Variants in GAD2 observed in about 807,000 individuals in gnomAD.
GAD2 encodes glutamate decarboxylase 2.
Under a neutral mutation model 80.1 loss-of-function variants are expected in GAD2, and 22 were observed. The observed-to-expected ratio is 0.27, with a 90% CI of 0.20 to 0.39. The LOEUF is 0.39. GAD2 is among the 10% of genes least tolerant of loss of function. The pLI, the probability that GAD2 is intolerant of heterozygous loss-of-function variation, is 1.00. For synonymous variants in GAD2, 274 were observed against 256.9 expected (o/e 1.07, Z -0.64); for missense variants, 624 against 738.4 (o/e 0.85, Z 1.80).
chr10:26,260,694 T>C (rs1202104975), intron 8 of GAD2, among the ~76,000 whole-genome samples: 2 of 152,198 alleles, frequency 1.3e-5, no homozygotes, highest in East Asian at 1.9e-4. Flanking sequence ...TGCTGAGTTA[T>C]GATACTTGCT....
intron 6 of GAD2, 112 bp downstream of exon 6, chr10:26,224,763 CTG>C (rs777940441): frequency 5.6e-5 from 40 of 714,090 alleles, no homozygotes; most frequent in African/African-American, 4.8e-4. Context: ...GTTAAATAGA[CTG>C]TGTGTTGATC....
At chr10:26,229,802 TTTAAGG>T (rs780636511) in intron 7 of GAD2, 25 bp downstream of exon 7, 1 of 1,541,838 alleles carries the variant, frequency 6.5e-7, no homozygotes, top group South Asian at 1.1e-5. Flanking sequence ...TCCTTGCAAG[TTTAAGG>T]TTATGTTCCA....
chr10:26,225,837 C>T (rs1383479387), intron 6 of GAD2, among the ~76,000 whole-genome samples: 2 of 152,162 alleles, frequency 1.3e-5, no homozygotes, highest in Non-Finnish European at 2.9e-5. Flanking sequence ...TGAACACCAG[C>T]TGTGATGAAT....
intron 8 of GAD2, among the ~76,000 whole-genome samples, chr10:26,264,081 C>T (rs568049124): frequency 6.6e-6 from 1 of 152,146 alleles, no homozygotes; most frequent in Non-Finnish European, 1.5e-5. Flanking sequence ...CTGCTAATAA[C>T]AATGTAACAA....
rs1285152049 is a variant in GAD2, at chr10:26,303,492, G to A, written c.*2531G>A. The stretch of plus-strand genomic sequence containing the variant: ...GGAAGGAGGGAGGGAGGAAGGAAAT[G>A]AAGGGAGGGAGGGAGGGAGGAAAGA... On this transcript the variant is annotated 3_prime_UTR_variant, in exon 16 of 16. Transcript: ENST00000376261. The A allele has an allele frequency of 4.2e-5, 4 of 94,304 alleles. No individual in the cohort carries two copies. The highest frequency in any genetic ancestry group is 1.0e-4 in the African/African-American group (2 of 19,880). 5.8% of individuals were successfully genotyped at this position (94,304 alleles called of 1,614,324 possible).
At chr10:26,280,379 G>C (rs1845258367) in intron 11 of GAD2, among the ~76,000 whole-genome samples, 1 of 152,176 alleles carries the variant, frequency 6.6e-6, no homozygotes, top group Admixed American at 6.5e-5. Flanking sequence ...GCATTTTAGA[G>C]AGATGTAAGA....
intron 6 of GAD2, among the ~76,000 whole-genome samples, chr10:26,227,319 C>A (rs572018456): frequency 6.6e-6 from 1 of 152,192 alleles, no homozygotes; most frequent in Non-Finnish European, 1.5e-5. Flanking sequence ...GTAGGGCTCA[C>A]GCATTTGTCC....
intron 6 of GAD2, among the ~76,000 whole-genome samples, chr10:26,227,709 G>A (rs1465560876): frequency 6.6e-6 from 1 of 152,160 alleles, no homozygotes; most frequent in Non-Finnish European, 1.5e-5. Context: ...GCCCAGGTCA[G>A]CCCTCACCAG....
rs111780013 is a variant in GAD2, at chr10:26,255,206, G to A, written c.920+9206G>A. 1.6e-4 allele frequency among the ~76,000 whole-genome samples: 24 copies of A among 152,318 alleles called. 1 individual carries two copies. The highest frequency in any genetic ancestry group is 5.3e-4 in the African/African-American group (22 of 41,570). ...CAGAGTTGTCAGAGAATCAGAAACC[G>A]GGGCCACGAGGGCCATGAGAGTGTT... On this transcript the variant is annotated intron_variant, in intron 8 of 15. Transcript: ENST00000376261.
chr10:26,241,969 A>ATTTGTTTG (rs113962077), intron 7 of GAD2, among the ~76,000 whole-genome samples: 3,953 of 151,536 alleles, frequency 0.026, 199 homozygotes, highest in African/African-American at 0.091. Context: ...CACTGGTTCC[A>ATTTGTTTG]TTTGTTTGTT....
chr10:26,284,564 C>CAT (rs1554853387), intron 12 of GAD2, among the ~76,000 whole-genome samples: 2 of 93,156 alleles, frequency 2.1e-5, no homozygotes, highest in Non-Finnish European at 4.2e-5. Context: ...GGCTGTTCAG[C>CAT]TTTTTTTTTT....
At chr10:26,222,306 A>C (rs908033419) in intron 4 of GAD2, among the ~76,000 whole-genome samples, 6 of 152,312 alleles carry the variant, frequency 3.9e-5, no homozygotes, top group Non-Finnish European at 8.8e-5. Context: ...TTCATTCCCA[A>C]GTTTCCCTAG....
At chr10:26,261,444 A>G (rs1320111053) in intron 8 of GAD2, among the ~76,000 whole-genome samples, 1 of 152,176 alleles carries the variant, frequency 6.6e-6, no homozygotes, top group Non-Finnish European at 1.5e-5. Context: ...GTTTTCAACT[A>G]CATGGAAGAA....
At chr10:26,263,880 T>C (rs1845037828) in intron 8 of GAD2, among the ~76,000 whole-genome samples, 1 of 152,244 alleles carries the variant, frequency 6.6e-6, no homozygotes, top group South Asian at 2.1e-4. Flanking sequence ...GAAAACCACA[T>C]GGACATTTTG....
chr10:26,283,803 C>CT (rs1451883280), intron 12 of GAD2, among the ~76,000 whole-genome samples: 1 of 152,176 alleles, frequency 6.6e-6, no homozygotes, highest in East Asian at 1.9e-4. Flanking sequence ...ATTTAAAGGA[C>CT]TCTCAAATGG....
At chr10:26,249,008 AT>A (rs112838454) in intron 8 of GAD2, among the ~76,000 whole-genome samples, 9,852 of 152,244 alleles carry the variant, frequency 0.065, 400 homozygotes, top group Non-Finnish European at 0.09. Flanking sequence ...TTAGACAGGC[AT>A]TAAGGATAAA....
intron 6 of GAD2, among the ~76,000 whole-genome samples, chr10:26,225,561 G>C (rs893596259): frequency 6.6e-6 from 1 of 152,156 alleles, no homozygotes; most frequent in African/African-American, 2.4e-5. Flanking sequence ...GTGTCAGACA[G>C]AGCAAAGGCC....
chr10:26,278,625 G>T (rs1845238267), intron 11 of GAD2, among the ~76,000 whole-genome samples: 1 of 152,092 alleles, frequency 6.6e-6, no homozygotes, highest in Non-Finnish European at 1.5e-5. Flanking sequence ...AAGCAAGGAG[G>T]TATTTTTTTG....
intron 6 of GAD2, 110 bp from the exon 7 acceptor site, chr10:26,229,552 T>C: frequency 1.4e-6 from 1 of 721,358 alleles, no homozygotes; most frequent in Non-Finnish European, 2.3e-6. Flanking sequence ...TCAATAGGTT[T>C]TTCTTCTGAG....
Sources: gnomAD v4.1 joint callset for allele counts (sites outside exome capture counted in the v4.1 genomes callset) on GRCh38, gnomAD v4.1.1 for gene constraint, MANE v1.5 for transcripts, NCBI Gene and HGNC (gene_info 2026-07-23, HGNC 2026-07-21) for gene names.